KCNN2: variants seen among roughly 807,000 people sequenced by gnomAD.
The protein encoded by KCNN2 is potassium calcium-activated channel subfamily N member 2.
A neutral mutation model predicts 55.5 loss-of-function variants in KCNN2; 24 were observed. The ratio of observed to expected loss-of-function variants is 0.43; its 90% confidence interval spans 0.31 to 0.61. The LOEUF (loss-of-function observed/expected upper bound fraction) is 0.61, where lower values mean the gene tolerates loss of function less well. KCNN2 is among the 20% of genes least tolerant of loss of function. The pLI, the probability that KCNN2 is intolerant of heterozygous loss-of-function variation, is 0.08. For synonymous variants in KCNN2, 431 were observed against 336.1 expected (o/e 1.28, Z -3.09); for missense variants, 754 against 853.6 (o/e 0.88, Z 1.45).
At chr5:114,440,209 C>A (rs1015638841) in intron 3 of KCNN2, among the ~76,000 whole-genome samples, 5 of 152,070 alleles carry the variant, frequency 3.3e-5, no homozygotes, top group Admixed American at 3.3e-4. Context: ...AAAAAACTTG[C>A]CACAATGATT....
chr5:114,198,463 T>TACACACACACAC (rs56335930), intron 1 of KCNN2, among the ~76,000 whole-genome samples: 1 of 147,818 alleles, frequency 6.8e-6, no homozygotes, highest in Non-Finnish European at 1.5e-5. Context: ...TATATACATA[T>TACACACACACAC]ACACACACAC....
intron 1 of KCNN2, among the ~76,000 whole-genome samples, chr5:114,092,552 G>T (rs1312525311): frequency 1.3e-5 from 2 of 152,134 alleles, no homozygotes; most frequent in African/African-American, 2.4e-5. Flanking sequence ...CTTTCTGTGG[G>T]GGCTCTGACC....
chr5:114,461,404 G>T (rs78288535), intron 3 of KCNN2, among the ~76,000 whole-genome samples: 135 of 152,272 alleles, frequency 8.9e-4, no homozygotes, highest in African/African-American at 3.2e-3. Flanking sequence ...ACAGAAACTT[G>T]CAGGATGCTC....
chr5:114,107,469 C>G (rs1374284367), intron 1 of KCNN2, among the ~76,000 whole-genome samples: 4 of 152,098 alleles, frequency 2.6e-5, no homozygotes, highest in Non-Finnish European at 1.5e-5. Flanking sequence ...GCTGCAGCCT[C>G]AACATCCTAG....
At chr5:114,308,701 G>C (rs1337999318) in intron 2 of KCNN2, among the ~76,000 whole-genome samples, 1 of 152,148 alleles carries the variant, frequency 6.6e-6, no homozygotes, top group African/African-American at 2.4e-5. Context: ...GCTGAAAGAT[G>C]CTAAGTGTTG....
At chr5:114,477,914 T>C (rs1319179257) in intron 5 of KCNN2, among the ~76,000 whole-genome samples, 2 of 152,210 alleles carry the variant, frequency 1.3e-5, no homozygotes, top group Non-Finnish European at 2.9e-5. Context: ...TGCAGTTATA[T>C]AATTTTGTTT....
intron 3 of KCNN2, among the ~76,000 whole-genome samples, chr5:114,430,019 A>T (rs1482595663): frequency 1.3e-5 from 2 of 151,956 alleles, no homozygotes; most frequent in Non-Finnish European, 2.9e-5. Flanking sequence ...CACTGTCTTG[A>T]TTAATGGCAC....
chr5:114,492,060 T>C (rs909055421), intron 6 of KCNN2, among the ~76,000 whole-genome samples: 2 of 152,250 alleles, frequency 1.3e-5, no homozygotes, highest in East Asian at 3.9e-4. Flanking sequence ...AATAAATACA[T>C]AGTCACAATG....
chr5:114,248,262 A>G (rs1754786079), intron 2 of KCNN2, among the ~76,000 whole-genome samples: 1 of 152,138 alleles, frequency 6.6e-6, no homozygotes, highest in Non-Finnish European at 1.5e-5. Context: ...TCTTAATGAT[A>G]TTATGGAAAT....
intron 1 of KCNN2, among the ~76,000 whole-genome samples, chr5:114,190,350 A>G (rs190943584): frequency 3.3e-5 from 5 of 152,296 alleles, no homozygotes; most frequent in Admixed American, 2.0e-4. Context: ...GAGTAGATAA[A>G]TAAGGGGATC....
chr5:114,189,312 G>T (rs1753402569), intron 1 of KCNN2, among the ~76,000 whole-genome samples: 1 of 152,138 alleles, frequency 6.6e-6, no homozygotes, highest in African/African-American at 2.4e-5. Context: ...AAGGAGAGCT[G>T]ATGGAGTAAG....
At chr5:114,433,279 T>G (rs1354297094) in intron 3 of KCNN2, among the ~76,000 whole-genome samples, 1 of 152,146 alleles carries the variant, frequency 6.6e-6, no homozygotes, top group Non-Finnish European at 1.5e-5. Context: ...GGTTTGTGAA[T>G]GCACCAATCG....
At chr5:114,146,329 ACTT>A (rs1235374251) in intron 1 of KCNN2, among the ~76,000 whole-genome samples, 2 of 152,160 alleles carry the variant, frequency 1.3e-5, no homozygotes, top group Non-Finnish European at 2.9e-5. Flanking sequence ...AAGTTCTGTT[ACTT>A]CTTTCTACAA....
intron 1 of KCNN2, among the ~76,000 whole-genome samples, chr5:114,151,462 G>C (rs1752522278): frequency 6.6e-6 from 1 of 151,870 alleles, no homozygotes; most frequent in African/African-American, 2.4e-5. Flanking sequence ...GGGACAGTCA[G>C]CTTGGGTTAG....
intron 1 of KCNN2, among the ~76,000 whole-genome samples, chr5:114,161,087 T>G (rs1036957567): frequency 3.3e-5 from 5 of 152,216 alleles, no homozygotes; most frequent in Non-Finnish European, 7.3e-5. Context: ...TTGATGCAGT[T>G]TCTTCCTAGC....
At chr5:114,429,983 A>G (rs1197931329) in intron 3 of KCNN2, among the ~76,000 whole-genome samples, 1 of 151,308 alleles carries the variant, frequency 6.6e-6, no homozygotes, top group African/African-American at 2.4e-5. Flanking sequence ...ACATTGGTCT[A>G]TTTGTATATT....
chr5:114,328,097 C>T (rs575677288), intron 2 of KCNN2, among the ~76,000 whole-genome samples: 5 of 152,268 alleles, frequency 3.3e-5, no homozygotes, highest in African/African-American at 1.2e-4. Context: ...ACTCTTAGAA[C>T]CTTTTATTCT....
At chr5:114,084,450 T>TA (rs1750969244) in intron 1 of KCNN2, among the ~76,000 whole-genome samples, 1 of 152,104 alleles carries the variant, frequency 6.6e-6, no homozygotes, top group African/African-American at 2.4e-5. Flanking sequence ...AAGTGCTTAT[T>TA]TGCCATCTGT....
chr5:114,187,879 A>G (rs1753371315), intron 1 of KCNN2, among the ~76,000 whole-genome samples: 1 of 149,390 alleles, frequency 6.7e-6, no homozygotes, highest in South Asian at 2.1e-4. Flanking sequence ...CAGTGGCGCA[A>G]TCTCGGCTCA....
Sources: allele counts gnomAD v4.1 joint callset (sites outside exome capture counted in the v4.1 genomes callset), GRCh38; gene constraint gnomAD v4.1.1; transcripts MANE v1.5; gene names NCBI Gene and HGNC (gene_info 2026-07-23, HGNC 2026-07-21).